The following PTPRH variants were observed in gnomAD, a reference collection of about 807,000 sequenced individuals.
The protein encoded by PTPRH is protein tyrosine phosphatase receptor type H.
Under a neutral mutation model 130.2 loss-of-function variants are expected in PTPRH, and 113 were observed. The ratio of observed to expected loss-of-function variants is 0.87; its 90% CI spans 0.75 to 1.01. The LOEUF (loss-of-function observed/expected upper bound fraction) is 1.01. Ranked by LOEUF, PTPRH falls within the 50% of genes least tolerant of loss-of-function variation. The pLI, the probability that PTPRH is intolerant of heterozygous loss-of-function variation, is 0.00. For missense variants in PTPRH, 1,430 were observed against 1,425.0 expected, an observed-to-expected ratio of 1.00 and a Z score of -0.06; for synonymous variants, 556 against 577.9, an observed-to-expected ratio of 0.96 and a Z score of 0.54.
At chr19:55,194,040 G>A (rs1600025810) in intron 10 of PTPRH, 4 of 612,472 alleles carry the variant, frequency 6.5e-6, no homozygotes, top group Non-Finnish European at 9.8e-6. Flanking sequence ...AGTAGAGACA[G>A]GGTTTCTCCA....
At chr19:55,207,084 C>T (rs1245145587) in intron 2 of PTPRH, 82 bp downstream of exon 2, 7 of 1,590,630 alleles carry the variant, frequency 4.4e-6, no homozygotes, top group African/African-American at 2.7e-5. Flanking sequence ...CCACTGGACC[C>T]CACGGGGACC....
At chr19:55,182,835 C>G (rs749064828) in intron 18 of PTPRH, among the ~76,000 whole-genome samples, 2 of 151,932 alleles carry the variant, frequency 1.3e-5, no homozygotes, top group African/African-American at 4.8e-5. Context: ...CTCTCTGTCA[C>G]GAAGGCTGAA....
chr19:55,208,893 TGGGGGCCTG>T (rs2087153921), intron 1 of PTPRH, among the ~76,000 whole-genome samples: 1 of 57,494 alleles, frequency 1.7e-5, no homozygotes, highest in Non-Finnish European at 3.3e-5. Flanking sequence ...GAGGAAGGGC[TGGGGGCCTG>T]GACTCCCGGG....
intron 10 of PTPRH, chr19:55,194,082 A>G (rs60818685): frequency 0.21 from 227,237 of 1,086,546 alleles, 25,174 homozygotes; most frequent in African/African-American, 0.35. Context: ...ACTCCCAACC[A>G]CAGGTGATCC....
chr19:55,204,023 T>C lies in PTPRH; in HGVS notation c.645A>G (p.Arg215=). 1 of 1,613,896 alleles carries C rather than the reference T, an allele frequency of 6.2e-7. No individual in the cohort carries two copies. Among genetic ancestry groups the C allele is most frequent in the African/African-American group, 1.3e-5 (1 of 75,030 alleles). ...TGGAGCTGGTGGTCTGAGCCTCCAC[T>C]CTCAGGTTCCTCACTGGGTTGTGAG... The part of the protein sequence containing the change: ...TTAHNPVRNL[R]VEAQTTSSIS... The change falls in exon 5 of 20, where the codon AGA becomes AGG. Residue 215 remains arginine (R), a synonymous_variant. Transcript: ENST00000376350.
chr19:55,190,477 TTA>T (rs1349779431), intron 12 of PTPRH, among the ~76,000 whole-genome samples: 3 of 134,534 alleles, frequency 2.2e-5, no homozygotes, highest in Non-Finnish European at 4.6e-5. Context: ...AATTTATATA[TTA>T]TATATTATAT....
chr19:55,198,630 G>T lies in PTPRH; in HGVS notation c.1690+13C>A. 2 of 1,587,548 alleles carry T rather than the reference G, an allele frequency of 1.3e-6. No homozygotes were observed. The highest frequency in any genetic ancestry group is 2.3e-5 in the South Asian group (2 of 87,316). Reference sequence around the variant, plus strand: ...TCCTAATAGGGCTGGGTTCAGAACCGACTGTGTCTCACCAGTGGCTGCAGT... The same window carrying T: ...TCCTAATAGGGCTGGGTTCAGAACCTACTGTGTCTCACCAGTGGCTGCAGT... On this transcript the variant is annotated intron_variant, in intron 8 of 19. Transcript: ENST00000376350.
intron 18 of PTPRH, among the ~76,000 whole-genome samples, chr19:55,183,939 C>G (rs1019760374): frequency 3.3e-5 from 5 of 152,130 alleles, no homozygotes; most frequent in African/African-American, 1.2e-4. Flanking sequence ...AGATATGCTT[C>G]TGGATATGCA....
At chr19:55,194,367 C>A in intron 10 of PTPRH, 1 of 1,218,216 alleles carries the variant, frequency 8.2e-7, no homozygotes. Context: ...CTTGGCCTCA[C>A]AGAATGGACT....
chr19:55,203,071 G>A (rs1259000827), intron 5 of PTPRH, among the ~76,000 whole-genome samples: 3 of 151,510 alleles, frequency 2.0e-5, no homozygotes, highest in African/African-American at 2.4e-5. Flanking sequence ...GCTCACGCCT[G>A]TAATCCCAGC....
In PTPRH at chr19:55,191,757, A is replaced by G; in HGVS notation, c.2258-16T>C. 1 of 1,606,836 alleles carries G rather than the reference A, an allele frequency of 6.2e-7. No homozygotes were observed. The highest frequency in any genetic ancestry group is 2.2e-5 in the East Asian group (1 of 44,838). On this transcript the variant is annotated splice_polypyrimidine_tract_variant and intron_variant, in intron 10 of 19. Coordinates refer to ENST00000376350, the MANE Select transcript of PTPRH (RefSeq NM_002842.5). ...GCAATGACCCCTGTGGGGAGGAGGCATCGGGAACCCTCAGAGCGCAGGTCT... is the reference window on the plus strand; with the variant it reads ...GCAATGACCCCTGTGGGGAGGAGGCGTCGGGAACCCTCAGAGCGCAGGTCT...
rs746178985 is a variant in PTPRH, at chr19:55,203,975, G to A, written c.693C>T (p.Pro231=). ...TCGAGTTCTGTGGGTCTGTGCCATC[G>A]GGGACCTCCCAGCTCAGGGAGATGG... The part of the protein sequence containing the change: ...TSSISLSWEV[P]DGTDPQNSTY... The change falls in exon 5 of 20, where the codon CCC becomes CCT. Residue 231 remains proline (P), a synonymous_variant. Coordinates refer to ENST00000376350, the MANE Select transcript of PTPRH (RefSeq NM_002842.5). The A allele has an allele frequency of 1.1e-5, 18 of 1,613,980 alleles. No individual in the cohort carries two copies. Among genetic ancestry groups the A allele is most frequent in the South Asian group, 3.3e-5 (3 of 91,082 alleles).
At chr19:55,193,066 T>TA (rs1197717828) in intron 10 of PTPRH, among the ~76,000 whole-genome samples, 1 of 149,958 alleles carries the variant, frequency 6.7e-6, no homozygotes, top group Non-Finnish European at 1.5e-5. Context: ...CAGTCTCTAC[T>TA]AAAAAAACAA....
chr19:55,204,017 C>A lies in PTPRH; in HGVS notation c.651G>T (p.Glu217Asp). 1.2e-6 allele frequency: 2 copies of A among 1,614,028 alleles called. No individual in the cohort carries two copies. The highest frequency in any genetic ancestry group is 3.3e-4 in the Middle Eastern group (2 of 6,062). ...AHNPVRNLRV[E>D]AQTTSSISLS... ...GGGAGATGGAGCTGGTGGTCTGAGC[C>A]TCCACTCTCAGGTTCCTCACTGGGT... The change falls in exon 5 of 20, where the codon GAG becomes GAT. Residue 217 changes from glutamate to aspartate, a missense_variant. Coordinates refer to ENST00000376350, the MANE Select transcript of PTPRH (RefSeq NM_002842.5).
At chr19:55,203,708 T>A in intron 5 of PTPRH, 74 bp downstream of exon 5, 1 of 1,490,212 alleles carries the variant, frequency 6.7e-7, no homozygotes, top group Non-Finnish European at 9.0e-7. Flanking sequence ...CCTGTCACAT[T>A]TTGTCAGCTC....
intron 7 of PTPRH, 78 bp from the exon 8 acceptor site, chr19:55,198,990 T>C: frequency 1.5e-6 from 2 of 1,327,492 alleles, no homozygotes; most frequent in Non-Finnish European, 2.0e-6. Context: ...CGCCCTGTCC[T>C]TGTGCAGCCC....
rs1377717828 is a variant in PTPRH at position 55,206,801 on chromosome 19, T to C, written c.240A>G (p.Thr80=). 40 of 1,614,034 alleles carry C rather than the reference T, an allele frequency of 2.5e-5. No homozygotes were observed. Among genetic ancestry groups the C allele is most frequent in the Non-Finnish European group, 3.2e-5 (38 of 1,180,030 alleles). Residue 80 remains threonine, a synonymous_variant, in exon 3 of 20, where the codon ACA becomes ACG. Coordinates refer to ENST00000376350, the MANE Select transcript of PTPRH (RefSeq NM_002842.5). The part of the protein sequence containing the change: ...DGGTTETRNT[T]ATNVTVDGLG... ...GGCCATCCACGGTGACGTTGGTGGCTGTTGTGTTTCGAGTCTCTGTTGTGC... is the reference window on the plus strand; with the variant it reads ...GGCCATCCACGGTGACGTTGGTGGCCGTTGTGTTTCGAGTCTCTGTTGTGC...
At chr19:55,202,781 G>A (rs1479265751) in intron 5 of PTPRH, among the ~76,000 whole-genome samples, 2 of 152,176 alleles carry the variant, frequency 1.3e-5, no homozygotes, top group African/African-American at 4.8e-5. Context: ...GCTCACACCT[G>A]TAATCCCAGC....
chr19:55,190,238 T>C (rs917673368), intron 12 of PTPRH, among the ~76,000 whole-genome samples: 3 of 150,618 alleles, frequency 2.0e-5, no homozygotes, highest in Admixed American at 6.7e-5. Context: ...GGCGTGGTGG[T>C]GCATGCCTGT....
Sources: gnomAD v4.1 joint callset for allele counts (sites outside exome capture counted in the v4.1 genomes callset) on GRCh38, gnomAD v4.1.1 for gene constraint, MANE v1.5 for transcripts, NCBI Gene and HGNC (gene_info 2026-07-23, HGNC 2026-07-21) for gene names.